The following SLC13A3 variants were observed in gnomAD, a reference collection of about 807,000 sequenced individuals.
The protein encoded by SLC13A3 is solute carrier family 13 member 3.
In SLC13A3, 40 loss-of-function variants were observed where a neutral mutation model predicts 59.0. The ratio of observed to expected loss-of-function variants is 0.68; its 90% CI spans 0.53 to 0.88. SLC13A3 has a LOEUF of 0.88. Ranked by LOEUF, SLC13A3 falls within the 40% of genes least tolerant of loss-of-function variation. The pLI is 0.00. For missense variants in SLC13A3, 699 were observed against 783.2 expected, an observed-to-expected ratio of 0.89 and a Z score of 1.28; for synonymous variants, 317 against 330.3, an observed-to-expected ratio of 0.96 and a Z score of 0.44.
At chr20:46,634,874 A>T (rs1039577580) in intron 1 of SLC13A3, among the ~76,000 whole-genome samples, 1 of 152,050 alleles carries the variant, frequency 6.6e-6, no homozygotes, top group African/African-American at 2.4e-5. Flanking sequence ...CCCATCATGG[A>T]GCGGCATGGT....
At chr20:46,607,397 C>G (rs1264910693) in intron 3 of SLC13A3, among the ~76,000 whole-genome samples, 1 of 152,180 alleles carries the variant, frequency 6.6e-6, no homozygotes, top group Non-Finnish European at 1.5e-5. Context: ...GTCCTCGCCT[C>G]CTGCCACCTG....
chr20:46,573,240 C>T (rs888197766), intron 10 of SLC13A3, among the ~76,000 whole-genome samples: 2 of 151,884 alleles, frequency 1.3e-5, no homozygotes, highest in Admixed American at 6.6e-5. Flanking sequence ...ATCTTGTTGC[C>T]CCAGCTAAGG....
intron 1 of SLC13A3, among the ~76,000 whole-genome samples, chr20:46,619,596 A>C (rs542424602): frequency 6.6e-5 from 10 of 152,308 alleles, no homozygotes; most frequent in African/African-American, 2.4e-4. Flanking sequence ...TTCAAAGCTT[A>C]TCAGTGTGTC....
At chr20:46,574,344 G>A (rs1463296530) in intron 10 of SLC13A3, among the ~76,000 whole-genome samples, 2 of 152,164 alleles carry the variant, frequency 1.3e-5, no homozygotes, top group Non-Finnish European at 2.9e-5. Flanking sequence ...TTTCCTATCT[G>A]TAAAAGAGGC....
intron 10 of SLC13A3, among the ~76,000 whole-genome samples, chr20:46,572,121 C>G (rs943850577): frequency 6.6e-6 from 1 of 152,098 alleles, no homozygotes; most frequent in African/African-American, 2.4e-5. Flanking sequence ...TGCTGAGGCT[C>G]AGAGTAAGCA....
chr20:46,643,858 C>A (rs534848692), intron 1 of SLC13A3, among the ~76,000 whole-genome samples: 59 of 152,066 alleles, frequency 3.9e-4, no homozygotes, highest in African/African-American at 1.4e-3. Context: ...AGTTGAGTGG[C>A]ATGACTCCAT....
At chr20:46,585,596 C>T (rs1476205906) in intron 8 of SLC13A3, 8 of 1,172,052 alleles carry the variant, frequency 6.8e-6, no homozygotes, top group Admixed American at 4.1e-5. Context: ...GTATGCAGTC[C>T]GATAACAGCG....
intron 1 of SLC13A3, among the ~76,000 whole-genome samples, chr20:46,666,865 A>G (rs1600630257): frequency 6.6e-6 from 1 of 152,162 alleles, no homozygotes; most frequent in African/African-American, 2.4e-5. Context: ...TTTAACTTAT[A>G]TCTATTTAAG....
intron 6 of SLC13A3, among the ~76,000 whole-genome samples, chr20:46,589,983 G>A (rs921552011): frequency 2.6e-5 from 4 of 152,214 alleles, no homozygotes; most frequent in African/African-American, 9.7e-5. Context: ...AGAAAGGGCA[G>A]TGGTAAATTT....
At chr20:46,669,854 A>G (rs2063081603) in intron 1 of SLC13A3, among the ~76,000 whole-genome samples, 2 of 152,198 alleles carry the variant, frequency 1.3e-5, no homozygotes, top group African/African-American at 2.4e-5. Flanking sequence ...ATTTATTGAG[A>G]GTATTAAGTG....
At chr20:46,665,214 GGT>G (rs532626777) in intron 1 of SLC13A3, among the ~76,000 whole-genome samples, 9 of 151,638 alleles carry the variant, frequency 5.9e-5, no homozygotes, top group African/African-American at 1.2e-4. Flanking sequence ...TTCAGAGAGT[GGT>G]GTTTGCATCA....
intron 4 of SLC13A3, among the ~76,000 whole-genome samples, chr20:46,598,544 A>C (rs978231065): frequency 2.0e-5 from 3 of 152,208 alleles, no homozygotes; most frequent in African/African-American, 7.2e-5. Flanking sequence ...AGCACTGCAC[A>C]GGCAGATGTT....
In SLC13A3 at chr20:46,559,982, T is replaced by G. The variant is rs369962976; in HGVS notation, c.*40A>C. On this transcript the variant is annotated 3_prime_UTR_variant, in exon 13 of 13. Coordinates refer to ENST00000279027, the MANE Select transcript of SLC13A3 (RefSeq NM_022829.6). ...TAGCAGCAGGTGATGGTGACAGCCC[T>G]TTGAGAGGGTTCAGCCTCAAGGGAG... 4.7e-5 allele frequency: 75 copies of G among 1,592,646 alleles called. No homozygotes were observed. The highest frequency in any genetic ancestry group is 6.3e-5 in the Non-Finnish European group (73 of 1,163,130).
Position 46,596,169 on chromosome 20 carries a change from C to T in SLC13A3, c.782G>A (p.Gly261Asp). 1.2e-6 allele frequency: 2 copies of T among 1,613,428 alleles called. No individual in the cohort carries two copies. Among genetic ancestry groups the T allele is most frequent in the South Asian group, 1.1e-5 (1 of 90,988 alleles). Residue 261 changes from glycine (G) to aspartate (D), a missense_variant, in exon 5 of 13, where the codon GGC (glycine) becomes GAC (aspartate). Coordinates refer to ENST00000279027, the MANE Select transcript of SLC13A3 (RefSeq NM_022829.6). ...CTCTCGCTTTCACCTCTTGAGCTGG[C>T]CAAGCAGGATGAGGTTAGGGGCTGT... ...TGTAPNLILL[G>D]QLKSFFPQCD...
At chr20:46,561,158 C>A (rs1411317156) in intron 12 of SLC13A3, among the ~76,000 whole-genome samples, 2 of 152,188 alleles carry the variant, frequency 1.3e-5, no homozygotes, top group Admixed American at 6.5e-5. Context: ...ATAATGCAAC[C>A]ATTTGTCTCT....
chr20:46,663,055 C>T (rs1462186169), intron 1 of SLC13A3, among the ~76,000 whole-genome samples: 3 of 151,936 alleles, frequency 2.0e-5, no homozygotes, highest in Non-Finnish European at 4.4e-5. Context: ...TTTGGGAGGC[C>T]GAGGTAGGAT....
chr20:46,640,008 A>G (rs965014200), intron 1 of SLC13A3, among the ~76,000 whole-genome samples: 1 of 152,182 alleles, frequency 6.6e-6, no homozygotes, highest in African/African-American at 2.4e-5. Flanking sequence ...AAATGTCAGT[A>G]ATAACACACC....
rs1466560658 is a variant in SLC13A3, at chr20:46,588,783, G to A, written c.1016+377C>T. 2.6e-5 allele frequency among the ~76,000 whole-genome samples: 4 copies of A among 152,130 alleles called. No individual in the cohort carries two copies. In the East Asian group the frequency reaches 7.7e-4, roughly 29 times the overall value. On this transcript the variant is annotated intron_variant, in intron 7 of 12. Coordinates refer to ENST00000279027, the MANE Select transcript of SLC13A3 (RefSeq NM_022829.6). ...CACACAGGACATGAGTGGCACAGCTGGTCCTTGAACACAGGCCTACTGAAC... is the reference window on the plus strand; with the variant it reads ...CACACAGGACATGAGTGGCACAGCTAGTCCTTGAACACAGGCCTACTGAAC...
intron 7 of SLC13A3, among the ~76,000 whole-genome samples, chr20:46,588,810 C>T (rs569178583): frequency 4.6e-5 from 7 of 152,284 alleles, no homozygotes; most frequent in Non-Finnish European, 1.5e-5. Flanking sequence ...CTACTGAACC[C>T]GTTATTTTCA....
Sources: allele counts gnomAD v4.1 joint callset (sites outside exome capture counted in the v4.1 genomes callset), GRCh38; gene constraint gnomAD v4.1.1; transcripts MANE v1.5; gene names NCBI Gene and HGNC (gene_info 2026-07-23, HGNC 2026-07-21).